The following HGS variants were observed in gnomAD, a reference collection of about 807,000 sequenced individuals.
HGS encodes human growth factor-regulated tyrosine kinase substrate.
A neutral mutation model predicts 109.7 loss-of-function variants in HGS; 63 were observed. The observed-to-expected ratio is 0.57, with a 90% CI of 0.47 to 0.71. The LOEUF (loss-of-function observed/expected upper bound fraction) is 0.71, where lower values mean the gene tolerates loss of function less well. HGS is among the 30% of genes least tolerant of loss of function. The pLI is 0.00. For synonymous variants in HGS, 546 were observed against 437.3 expected, an observed-to-expected ratio of 1.25 and a Z score of -3.10; for missense variants, 995 against 1,068.3, an observed-to-expected ratio of 0.93 and a Z score of 0.96.
At chr17:81,688,588 G>A in intron 4 of HGS, 116 bp from the exon 5 acceptor site, 4 of 1,335,492 alleles carry the variant, frequency 3.0e-6, no homozygotes, top group Non-Finnish European at 4.1e-6. Context: ...GCCCTCCCTG[G>A]CCTCTGTGTC....
intron 11 of HGS, among the ~76,000 whole-genome samples, chr17:81,694,318 C>T (rs1039886199): frequency 3.3e-5 from 5 of 152,232 alleles, no homozygotes; most frequent in Admixed American, 2.6e-4. Flanking sequence ...GCCCCGCTCT[C>T]AGTAGAGGGT....
At chr17:81,696,133 T>A (rs2037142503) in intron 15 of HGS, 134 bp downstream of exon 15, 1 of 931,520 alleles carries the variant, frequency 1.1e-6, no homozygotes, top group South Asian at 1.7e-5. Context: ...CTCCAGAGAG[T>A]GTCAACAGGA....
intron 5 of HGS, 27 bp downstream of exon 5, chr17:81,688,854 G>C: frequency 1.2e-6 from 2 of 1,613,902 alleles, no homozygotes; most frequent in Non-Finnish European, 1.7e-6. Context: ...GTTGGGACCA[G>C]GTTGAGGCTT....
In HGS at chr17:81,695,840, C is replaced by G. The variant is rs748756849; in HGVS notation, c.1234C>G (p.Leu412Val). Residue 412 changes from leucine (L) to valine (V), a missense_variant, in exon 15 of 22, where the codon CTG becomes GTG. Transcript: ENST00000329138. Reference sequence around the variant, plus strand: ...GAGCCACGAGCAGTTCCTGAAGGCGCTGCAGAACGCCGTCACCACCTTCGT... The same window carrying G: ...GAGCCACGAGCAGTTCCTGAAGGCGGTGCAGAACGCCGTCACCACCTTCGT... Reference protein sequence around the residue: ...EESHEQFLKALQNAVTTFVNR... With the variant: ...EESHEQFLKAVQNAVTTFVNR... The G allele has an allele frequency of 1.1e-4, 177 of 1,613,442 alleles. No homozygotes were observed. The highest frequency in any genetic ancestry group is 1.4e-4 in the Non-Finnish European group (163 of 1,180,022).
chr17:81,700,517 C>CA lies in HGS; in HGVS notation c.1934dup (p.Ala646GlyfsTer195). 6.2e-7 allele frequency: 1 copy of CA among 1,608,068 alleles called. No homozygotes were observed. Among genetic ancestry groups the CA allele is most frequent in the Non-Finnish European group, 8.5e-7 (1 of 1,177,146 alleles). On this transcript the variant is annotated frameshift_variant, in exon 19 of 22. Coordinates refer to ENST00000329138, the MANE Select transcript of HGS (RefSeq NM_004712.5). LOFTEE classifies it high-confidence loss of function. ...GTACCCAGCAGGGGCCACTGGGGCGCAGGCGGCCCCCCAGGCCCAGGCCGG... is the reference window on the plus strand; with the variant it reads ...GTACCCAGCAGGGGCCACTGGGGCGCAAGGCGGCCCCCCAGGCCCAGGCCGG...
rs149099689 is a variant in HGS, at chr17:81,696,765, G to A, written c.1707+18G>A. ...ACGCCCAGGCATGTGCCATCCTCCC[G>A]CCACCCAGAGGCTTGTGGGCTGAGG... On this transcript the variant is annotated intron_variant, in intron 17 of 21. Coordinates refer to ENST00000329138, the MANE Select transcript of HGS (RefSeq NM_004712.5). 3.2e-4 allele frequency: 519 copies of A among 1,602,434 alleles called. 7 individuals are homozygous for A. In the East Asian group the frequency reaches 0.011, roughly 34 times the overall value.
At chr17:81,701,391 A>T (rs1278383433) in intron 21 of HGS, 117 bp from the exon 22 acceptor site, 1 of 1,135,660 alleles carries the variant, frequency 8.8e-7, no homozygotes, top group Non-Finnish European at 1.2e-6. Context: ...CATGAGCTGC[A>T]GTCCGTGGAC....
rs555406175 is a variant in HGS at position 81,696,449 on chromosome 17, C to T, written c.1486C>T (p.Arg496Cys). The T allele has an allele frequency of 8.8e-5, 137 of 1,548,058 alleles. 2 individuals are homozygous for T. The South Asian group carries it at 1.2e-3, about 13-fold the overall frequency. The change falls in exon 16 of 22, where the codon CGC (arginine) becomes TGC (cysteine). Residue 496 changes from arginine (R) to cysteine (C), a missense_variant. By Grantham distance (180) the Arg-to-Cys change is radical. Coordinates refer to ENST00000329138, the MANE Select transcript of HGS (RefSeq NM_004712.5). ...ALREEHREKL[R>C]RAAEEAERQR... ...GCGCGAAGAGCACCGGGAGAAGCTT[C>T]GCCGGGCAGCCGAGGAGGCAGAGCG...
chr17:81,700,242 G>A (rs1327770296), intron 18 of HGS, among the ~76,000 whole-genome samples: 13 of 151,304 alleles, frequency 8.6e-5, no homozygotes, highest in Admixed American at 7.9e-4. Flanking sequence ...AGTGGCGTAC[G>A]CCCGTAATCC....
In HGS at chr17:81,701,528, C is replaced by G; in HGVS notation, c.2244C>G (p.Pro748=). Residue 748 remains proline (P), a synonymous_variant, in exon 22 of 22, where the codon CCC becomes CCG. Coordinates refer to ENST00000329138, the MANE Select transcript of HGS (RefSeq NM_004712.5). ...MYQQMAPSGG[P]PQQQPPVAQQ... ...CACAGATGGCACCCTCTGGCGGTCC[C>G]CCCCAGCAGCAGCCCCCCGTGGCCC... 6.4e-7 allele frequency: 1 copy of G among 1,562,008 alleles called. No homozygotes were observed. Among genetic ancestry groups the G allele is most frequent in the Non-Finnish European group, 8.6e-7 (1 of 1,160,628 alleles).
intron 18 of HGS, among the ~76,000 whole-genome samples, chr17:81,698,928 G>A (rs923888493): frequency 5.3e-5 from 8 of 152,102 alleles, no homozygotes; most frequent in African/African-American, 1.7e-4. Flanking sequence ...TTAGCCAGGC[G>A]TGATGGTGCA....
At chr17:81,688,667 T>G (rs1465082535) in intron 4 of HGS, 37 bp from the exon 5 acceptor site, 1 of 1,610,344 alleles carries the variant, frequency 6.2e-7, no homozygotes, top group Admixed American at 1.7e-5. Context: ...GCGCCTGGAG[T>G]GTCCTGCGAC....
At position 81,695,169 on chromosome 17, in the gene HGS, C is replaced by T. The variant is rs764613865; in HGVS notation, c.1125C>T (p.Pro375=). ...ACTCATTCTCTCTCTTCCAGAACCC[C>T]CTCCCGGAGACAGACTCTCAGCCCA... The part of the protein sequence containing the change: ...HAAPTNVVEN[P]LPETDSQPIP... The change falls in exon 14 of 22, where the codon CCC becomes CCT. Residue 375 remains proline (P), a synonymous_variant. Transcript: ENST00000329138. 4 of 1,614,088 alleles carry T rather than the reference C, an allele frequency of 2.5e-6. No individual in the cohort carries two copies. The highest frequency in any genetic ancestry group is 3.4e-6 in the Non-Finnish European group (4 of 1,180,012).
chr17:81,701,535 C>A lies in HGS; in HGVS notation c.2251C>A (p.Gln751Lys). Residue 751 changes from glutamine (Q) to lysine (K), a missense_variant, in exon 22 of 22, where the codon CAG (glutamine) becomes AAG (lysine). Transcript: ENST00000329138. ...GGCACCCTCTGGCGGTCCCCCCCAG[C>A]AGCAGCCCCCCGTGGCCCAGCAACC... Reference protein sequence around the residue: ...QMAPSGGPPQQQPPVAQQPQA... With the variant: ...QMAPSGGPPQKQPPVAQQPQA... 6.4e-7 allele frequency: 1 copy of A among 1,563,814 alleles called. No individual in the cohort carries two copies. The highest frequency in any genetic ancestry group is 1.8e-5 in the Admixed American group (1 of 55,926).
intron 5 of HGS, among the ~76,000 whole-genome samples, chr17:81,689,760 G>A (rs1219284405): frequency 6.6e-6 from 1 of 152,208 alleles, no homozygotes; most frequent in African/African-American, 2.4e-5. Context: ...GTGGATGCTG[G>A]TGGTCTGTGC....
In HGS at chr17:81,701,538, C is replaced by G; in HGVS notation, c.2254C>G (p.Gln752Glu). ...ACCCTCTGGCGGTCCCCCCCAGCAG[C>G]AGCCCCCCGTGGCCCAGCAACCGCA... Reference protein sequence around the residue: ...MAPSGGPPQQQPPVAQQPQAQ... With the variant: ...MAPSGGPPQQEPPVAQQPQAQ... Residue 752 changes from glutamine (Q) to glutamate (E), a missense_variant, in exon 22 of 22, where the codon CAG becomes GAG. By Grantham distance (29) the Gln-to-Glu change is conservative (BLOSUM62 2). This residue lies in a region of HGS where 326 missense variants were observed against 309.7 expected (regional missense o/e 1.05). Coordinates refer to ENST00000329138, the MANE Select transcript of HGS (RefSeq NM_004712.5). The G allele has an allele frequency of 1.9e-6, 3 of 1,564,598 alleles. No individual in the cohort carries two copies. The highest frequency in any genetic ancestry group is 2.3e-5 in the South Asian group (2 of 86,418).
Position 81,696,355 on chromosome 17 carries a change from A to G in HGS, c.1394-2A>G. On this transcript the variant is annotated splice_acceptor_variant, in intron 15 of 21. Transcript: ENST00000329138. LOFTEE classifies it high-confidence loss of function. The stretch of plus-strand genomic sequence containing the variant: ...CAGGGTTGCTCTGTCATCTGCCCAC[A>G]GTGTACTATGAGGGGCTGCAGGACA... 2 of 1,573,238 alleles carry G rather than the reference A, an allele frequency of 1.3e-6. No individual in the cohort carries two copies. The highest frequency in any genetic ancestry group is 1.7e-6 in the Non-Finnish European group (2 of 1,162,980).
chr17:81,688,162 C>T (rs901878274), intron 4 of HGS, among the ~76,000 whole-genome samples: 4 of 151,560 alleles, frequency 2.6e-5, no homozygotes, highest in Admixed American at 6.5e-5. Context: ...CACACCGGGA[C>T]GGCGTCCCCG....
At chr17:81,694,721 G>C (rs1161522405) in intron 11 of HGS, 94 bp from the exon 12 acceptor site, 1 of 1,499,504 alleles carries the variant, frequency 6.7e-7, no homozygotes. Context: ...CTGCGGCTCT[G>C]GTCTCCAGGA....
Sources: gnomAD v4.1 joint callset for allele counts (sites outside exome capture counted in the v4.1 genomes callset) on GRCh38, gnomAD v4.1.1 for gene constraint, gnomAD v4.1.1 regional missense constraint, MANE v1.5 for transcripts, NCBI Gene and HGNC (gene_info 2026-07-23, HGNC 2026-07-21) for gene names.